CDH13: variants seen among roughly 807,000 people sequenced by gnomAD.
The protein encoded by CDH13 is cadherin-13.
CDH13 carries 24 observed loss-of-function variants against 63.8 expected under a neutral mutation model. The observed-to-expected ratio is 0.38, with a 90% CI of 0.27 to 0.53. The LOEUF (loss-of-function observed/expected upper bound fraction) is 0.53, where lower values mean the gene tolerates loss of function less well. CDH13 is among the 20% of genes least tolerant of loss of function. The pLI, the probability that CDH13 is intolerant of heterozygous loss-of-function variation, is 0.85. For synonymous variants in CDH13, 503 were observed against 355.3 expected, an observed-to-expected ratio of 1.42 and a Z score of -4.67; for missense variants, 1,049 against 903.1, an observed-to-expected ratio of 1.16 and a Z score of -2.07.
chr16:82,910,845 C>G (rs966311571), intron 2 of CDH13, among the ~76,000 whole-genome samples: 4 of 152,168 alleles, frequency 2.6e-5, no homozygotes, highest in African/African-American at 9.7e-5. Context: ...TGAGGGTGTT[C>G]TTTCTTACCC....
chr16:82,898,398 G>A (rs1249340626), intron 2 of CDH13, among the ~76,000 whole-genome samples: 2 of 152,304 alleles, frequency 1.3e-5, no homozygotes, highest in Non-Finnish European at 2.9e-5. Flanking sequence ...GCTGGCATGT[G>A]CCTGTAATTC....
intron 6 of CDH13, among the ~76,000 whole-genome samples, chr16:83,382,597 C>T (rs1208493646): frequency 6.6e-6 from 1 of 152,134 alleles, no homozygotes; most frequent in African/African-American, 2.4e-5. Flanking sequence ...AAGAAATGAG[C>T]ACTGAAACAA....
intron 1 of CDH13, among the ~76,000 whole-genome samples, chr16:82,742,588 G>C (rs1203634877): frequency 6.6e-6 from 1 of 152,026 alleles, no homozygotes; most frequent in African/African-American, 2.4e-5. Context: ...TTTCTAAATA[G>C]AATTGTTCTT....
chr16:83,325,906 A>C (rs2090349350), intron 5 of CDH13, among the ~76,000 whole-genome samples: 3 of 152,208 alleles, frequency 2.0e-5, no homozygotes, highest in Admixed American at 2.0e-4. Flanking sequence ...TACAGAACGA[A>C]GTCCACAATG....
At chr16:83,163,223 T>C (rs4427781) in intron 4 of CDH13, among the ~76,000 whole-genome samples, 33,104 of 152,066 alleles carry the variant, frequency 0.22, 4,999 homozygotes, top group African/African-American at 0.42. Context: ...TAAACCTTTA[T>C]TTTTGTAAAT....
In CDH13 at chr16:83,213,335, A is replaced by G. The variant is rs117227457; in HGVS notation, c.484-4010A>G. On this transcript the variant is annotated intron_variant, in intron 4 of 13. Coordinates refer to ENST00000567109, the MANE Select transcript of CDH13 (RefSeq NM_001257.5). Reference sequence around the variant, plus strand: ...TCACCCTGGGATAATTTCTGGGTCTAGAATTCAGCTTTCTGTGCCGAGTGG... The same window carrying G: ...TCACCCTGGGATAATTTCTGGGTCTGGAATTCAGCTTTCTGTGCCGAGTGG... Among the ~76,000 whole-genome samples, 110 of 152,300 alleles carry G rather than the reference A, an allele frequency of 7.2e-4. 2 individuals carry two copies. In the East Asian group the frequency reaches 0.02, roughly 27 times the overall value.
intron 1 of CDH13, among the ~76,000 whole-genome samples, chr16:82,645,429 G>A (rs921553362): frequency 6.6e-6 from 1 of 152,190 alleles, no homozygotes; most frequent in East Asian, 1.9e-4. Context: ...GGTGAGGGGG[G>A]TTGTGACCCT....
At chr16:82,960,529 C>T (rs547216563) in intron 2 of CDH13, among the ~76,000 whole-genome samples, 5 of 152,204 alleles carry the variant, frequency 3.3e-5, no homozygotes, top group South Asian at 2.1e-4. Context: ...TAAATATGCC[C>T]GATGCAAAGC....
chr16:83,654,565 C>G (rs1351839769), intron 8 of CDH13, among the ~76,000 whole-genome samples: 2 of 151,958 alleles, frequency 1.3e-5, no homozygotes, highest in African/African-American at 4.8e-5. Flanking sequence ...ATTGTTAGCC[C>G]CAGGATGAGG....
chr16:83,535,179 G>C (rs1330512027), intron 7 of CDH13, among the ~76,000 whole-genome samples: 1 of 152,202 alleles, frequency 6.6e-6, no homozygotes, highest in Admixed American at 6.5e-5. Context: ...CCAGGCAGAG[G>C]GCACAGCATG....
At chr16:82,933,102 G>A (rs1192380820) in intron 2 of CDH13, among the ~76,000 whole-genome samples, 1 of 152,122 alleles carries the variant, frequency 6.6e-6, no homozygotes, top group African/African-American at 2.4e-5. Flanking sequence ...AGGGTTGGGG[G>A]AGTGATATTG....
intron 6 of CDH13, among the ~76,000 whole-genome samples, chr16:83,348,345 T>C (rs980765182): frequency 3.9e-5 from 6 of 152,198 alleles, no homozygotes; most frequent in Non-Finnish European, 8.8e-5. Context: ...AATGACTAGT[T>C]CTTCGGATGA....
At chr16:83,046,194 C>G (rs1406172766) in intron 3 of CDH13, among the ~76,000 whole-genome samples, 1 of 152,096 alleles carries the variant, frequency 6.6e-6, no homozygotes, top group African/African-American at 2.4e-5. Context: ...TTAGAAGTGC[C>G]ACATTTAAAA....
At chr16:83,477,295 A>T (rs1401631355) in intron 6 of CDH13, among the ~76,000 whole-genome samples, 1 of 152,234 alleles carries the variant, frequency 6.6e-6, no homozygotes, top group Non-Finnish European at 1.5e-5. Context: ...ATTTGTACTT[A>T]AAAAACCAAC....
intron 7 of CDH13, among the ~76,000 whole-genome samples, chr16:83,583,570 T>C (rs1410582942): frequency 1.3e-5 from 2 of 152,164 alleles, no homozygotes; most frequent in Non-Finnish European, 2.9e-5. Flanking sequence ...ATAATAGTGA[T>C]GGAGGGAAGG....
At chr16:83,630,189 G>C (rs1910653624) in intron 8 of CDH13, among the ~76,000 whole-genome samples, 1 of 152,148 alleles carries the variant, frequency 6.6e-6, no homozygotes, top group Non-Finnish European at 1.5e-5. Context: ...ACCTCTCTGA[G>C]ATCTGGGTTA....
intron 7 of CDH13, among the ~76,000 whole-genome samples, chr16:83,499,396 G>T (rs562289956): frequency 6.6e-6 from 1 of 152,348 alleles, no homozygotes; most frequent in South Asian, 2.1e-4. Context: ...CCACAGTGCA[G>T]TGTCTGAGAT....
chr16:83,204,973 G>T (rs56121462), intron 4 of CDH13, among the ~76,000 whole-genome samples: 7,109 of 152,304 alleles, frequency 0.047, 349 homozygotes, highest in African/African-American at 0.12. Context: ...GCTAACGCAA[G>T]TCCCATGGCC....
intron 6 of CDH13, among the ~76,000 whole-genome samples, chr16:83,375,795 A>G (rs1027542599): frequency 1.3e-5 from 2 of 152,134 alleles, no homozygotes; most frequent in Non-Finnish European, 2.9e-5. Flanking sequence ...GTATACAAAG[A>G]CCTGAAAGAG....
Sources: allele counts gnomAD v4.1 joint callset (sites outside exome capture counted in the v4.1 genomes callset), GRCh38; gene constraint gnomAD v4.1.1; transcripts MANE v1.5; gene names NCBI Gene and HGNC (gene_info 2026-07-23, HGNC 2026-07-21).